Variants in GRM1 observed in about 807,000 individuals in gnomAD.
GRM1 encodes the protein metabotropic glutamate receptor 1.
A neutral mutation model predicts 90.9 loss-of-function variants in GRM1; 33 were observed. The ratio of observed to expected loss-of-function variants is 0.36; its 90% CI spans 0.28 to 0.49. GRM1 has a LOEUF of 0.49. Ranked by LOEUF, GRM1 falls within the 20% of genes least tolerant of loss-of-function variation. The probability of loss-of-function intolerance (pLI) is 0.99; values close to 1 mark genes in which losing one functional copy is unlikely to be tolerated. For synonymous variants in GRM1, 700 were observed against 613.2 expected (o/e 1.14, Z -2.09); for missense variants, 1,190 against 1,534.3 (o/e 0.78, Z 3.75).
intron 1 of GRM1, among the ~76,000 whole-genome samples, chr6:146,080,727 G>A (rs147337560): frequency 1.8e-3 from 278 of 152,274 alleles, no homozygotes; most frequent in African/African-American, 5.4e-3. Flanking sequence ...GGAAATGCAC[G>A]TAGCAAGACT....
intron 1 of GRM1, among the ~76,000 whole-genome samples, chr6:146,102,834 G>T (rs1427743052): frequency 1.3e-5 from 2 of 152,126 alleles, no homozygotes; most frequent in Non-Finnish European, 2.9e-5. Flanking sequence ...GAGAAAACTT[G>T]TAAAGAAACT....
chr6:146,384,570 G>T (rs547600851), intron 5 of GRM1, among the ~76,000 whole-genome samples: 5 of 151,918 alleles, frequency 3.3e-5, no homozygotes, highest in Non-Finnish European at 5.9e-5. Context: ...AAATAAATCC[G>T]CACTCTACAC....
intron 5 of GRM1, among the ~76,000 whole-genome samples, chr6:146,366,016 CA>C (rs1005862729): frequency 6.6e-6 from 1 of 152,136 alleles, no homozygotes; most frequent in African/African-American, 2.4e-5. Flanking sequence ...TTAGTTTTTC[CA>C]AAGCCTTTTT....
intron 2 of GRM1, among the ~76,000 whole-genome samples, chr6:146,299,498 A>T (rs906178274): frequency 6.6e-6 from 1 of 152,176 alleles, no homozygotes; most frequent in Admixed American, 6.5e-5. Context: ...TCAAAAGCCA[A>T]TTTTTCTTCA....
intron 5 of GRM1, among the ~76,000 whole-genome samples, chr6:146,383,569 ATTGACTCTAC>A (rs1406274948): frequency 1.3e-5 from 2 of 152,106 alleles, no homozygotes; most frequent in African/African-American, 2.4e-5. Flanking sequence ...AAAAGACTTA[ATTGACTCTAC>A]TTTCAAAAGT....
chr6:146,119,573 G>A (rs1775901192), intron 1 of GRM1, among the ~76,000 whole-genome samples: 1 of 152,122 alleles, frequency 6.6e-6, no homozygotes, highest in Admixed American at 6.5e-5. Flanking sequence ...TATGGTTTTA[G>A]GTCTGACATT....
intron 1 of GRM1, among the ~76,000 whole-genome samples, chr6:146,084,132 T>G (rs962914403): frequency 1.3e-5 from 2 of 152,162 alleles, no homozygotes; most frequent in African/African-American, 4.8e-5. Flanking sequence ...CTTTTCTTCT[T>G]TATTACTCTA....
chr6:146,334,066 G>T (rs1251848386), intron 3 of GRM1, among the ~76,000 whole-genome samples: 1 of 152,156 alleles, frequency 6.6e-6, no homozygotes. Flanking sequence ...TGTTTCCATT[G>T]TCCTAACCTG....
At chr6:146,288,346 G>C (rs1338676137) in intron 2 of GRM1, among the ~76,000 whole-genome samples, 3 of 152,162 alleles carry the variant, frequency 2.0e-5, no homozygotes, top group African/African-American at 7.2e-5. Context: ...TTATTTTACA[G>C]TGGCAGAGAG....
At chr6:146,147,574 C>T (rs1006628590) in intron 1 of GRM1, among the ~76,000 whole-genome samples, 1 of 152,160 alleles carries the variant, frequency 6.6e-6, no homozygotes, top group Non-Finnish European at 1.5e-5. Context: ...GTTCAGAATA[C>T]CAAGACACAG....
chr6:146,315,686 A>G (rs1248324998), intron 3 of GRM1, among the ~76,000 whole-genome samples: 1 of 152,186 alleles, frequency 6.6e-6, no homozygotes, highest in Non-Finnish European at 1.5e-5. Context: ...TATTTTAAGG[A>G]CAAGAAGAAA....
At chr6:146,182,795 A>T (rs1288785164) in intron 2 of GRM1, among the ~76,000 whole-genome samples, 1 of 152,132 alleles carries the variant, frequency 6.6e-6, no homozygotes, top group Non-Finnish European at 1.5e-5. Context: ...CATTCCACTC[A>T]TGTTTTCTTT....
At chr6:146,359,626 G>T (rs994319916) in intron 5 of GRM1, among the ~76,000 whole-genome samples, 3 of 152,160 alleles carry the variant, frequency 2.0e-5, no homozygotes, top group Non-Finnish European at 4.4e-5. Context: ...ACTGCCAGGT[G>T]ACCATGAATG....
intron 2 of GRM1, among the ~76,000 whole-genome samples, chr6:146,167,497 C>G (rs1176276727): frequency 6.6e-6 from 1 of 152,080 alleles, no homozygotes; most frequent in African/African-American, 2.4e-5. Flanking sequence ...TATAATTTTG[C>G]AGTTCCACCA....
chr6:146,218,258 G>A (rs1264646654), intron 2 of GRM1, among the ~76,000 whole-genome samples: 7 of 152,268 alleles, frequency 4.6e-5, no homozygotes, highest in Non-Finnish European at 5.9e-5. Flanking sequence ...TGGTGAGACT[G>A]TGAGATCGAG....
intron 1 of GRM1, among the ~76,000 whole-genome samples, chr6:146,136,987 G>T (rs576557834): frequency 3.8e-4 from 57 of 151,642 alleles, no homozygotes; most frequent in Admixed American, 1.3e-3. Flanking sequence ...CAAGTAGCTG[G>T]TATTACAGGC....
At chr6:146,426,563 A>G in intron 7 of GRM1, 1 of 1,612,350 alleles carries the variant, frequency 6.2e-7, no homozygotes, top group Non-Finnish European at 8.5e-7. Context: ...CTTCAGGAAG[A>G]GGCAGCCAGA....
At chr6:146,395,672 A>G (rs1300878049) in intron 6 of GRM1, among the ~76,000 whole-genome samples, 1 of 152,156 alleles carries the variant, frequency 6.6e-6, no homozygotes, top group Non-Finnish European at 1.5e-5. Context: ...GAAAATTATT[A>G]ACTATAGGTC....
In GRM1 at chr6:146,361,253, T is replaced by C. The variant is rs545293954; in HGVS notation, c.1602+3559T>C. On this transcript the variant is annotated intron_variant, in intron 5 of 7. Coordinates refer to ENST00000282753, the MANE Select transcript of GRM1 (RefSeq NM_001278064.2). ...AAAGGGAGAGAGAGACAGCAAGAGATGACAGAAGATGAACGAGCAGTGACT... is the reference window on the plus strand; with the variant it reads ...AAAGGGAGAGAGAGACAGCAAGAGACGACAGAAGATGAACGAGCAGTGACT... Among the ~76,000 whole-genome samples the C allele has an allele frequency of 1.8e-4, 27 of 152,192 alleles. No homozygotes were observed. The East Asian group carries it at 5.0e-3, about 28-fold the overall frequency.
Sources: gnomAD v4.1 joint callset for allele counts (sites outside exome capture counted in the v4.1 genomes callset) on GRCh38, gnomAD v4.1.1 for gene constraint, MANE v1.5 for transcripts, NCBI Gene and HGNC (gene_info 2026-07-23, HGNC 2026-07-21) for gene names.